NEK6: variants seen among roughly 807,000 people sequenced by gnomAD.
The protein encoded by NEK6 is serine/threonine-protein kinase Nek6.
A neutral mutation model predicts 43.5 loss-of-function variants in NEK6; 27 were observed. That is an observed-to-expected ratio of 0.62 (90% CI 0.46 to 0.86). The LOEUF is 0.86. Among genes scored for constraint, NEK6 ranks in the 40% least tolerant of loss-of-function variants. NEK6 has a pLI of 0.00. For synonymous variants in NEK6, 167 were observed against 164.1 expected (o/e 1.02, Z -0.14); for missense variants, 318 against 414.4 (o/e 0.77, Z 2.02).
chr9:124,322,261 T>C (rs1353415842), intron 5 of NEK6, among the ~76,000 whole-genome samples: 1 of 151,916 alleles, frequency 6.6e-6, no homozygotes, highest in Non-Finnish European at 1.5e-5. Context: ...AGAGATTGAG[T>C]GACTGTTCGA....
At chr9:124,300,623 A>T (rs1022902915) in intron 1 of NEK6, among the ~76,000 whole-genome samples, 1 of 152,068 alleles carries the variant, frequency 6.6e-6, no homozygotes, top group Non-Finnish European at 1.5e-5. Flanking sequence ...CTCAGGGAGG[A>T]GGGAGGGCAA....
intron 7 of NEK6, among the ~76,000 whole-genome samples, chr9:124,333,016 C>T (rs1020986922): frequency 2.0e-5 from 3 of 152,122 alleles, no homozygotes; most frequent in Non-Finnish European, 2.9e-5. Flanking sequence ...GGATAAGGCC[C>T]GGGCTGCACT....
intron 2 of NEK6, among the ~76,000 whole-genome samples, chr9:124,308,003 C>T (rs1260574974): frequency 6.6e-6 from 1 of 152,240 alleles, no homozygotes. Flanking sequence ...ATCACCGTCA[C>T]CACGACTGGA....
intron 1 of NEK6, among the ~76,000 whole-genome samples, chr9:124,289,936 T>G (rs1304241745): frequency 1.3e-5 from 2 of 152,082 alleles, no homozygotes; most frequent in Middle Eastern, 3.2e-3. Context: ...ACAGCACAGC[T>G]CAGAGCACAA....
chr9:124,312,699 T>C (rs756102688), intron 3 of NEK6, 50 bp downstream of exon 3: 2 of 1,579,010 alleles, frequency 1.3e-6, no homozygotes, highest in Admixed American at 1.7e-5. Flanking sequence ...AGGTGGTCTC[T>C]GCATCTGGAC....
chr9:124,280,423 C>T (rs190922890), intron 1 of NEK6, among the ~76,000 whole-genome samples: 230 of 152,336 alleles, frequency 1.5e-3, no homozygotes, highest in Middle Eastern at 0.014. Flanking sequence ...CTGTCCCAGC[C>T]GAGCACTCCA....
chr9:124,346,546 C>T (rs1461833254), intron 8 of NEK6, among the ~76,000 whole-genome samples: 1 of 152,124 alleles, frequency 6.6e-6, no homozygotes, highest in Admixed American at 6.5e-5. Flanking sequence ...GGAGGGCACT[C>T]GCCCGACGGC....
chr9:124,295,501 A>T (rs972664238), intron 1 of NEK6, among the ~76,000 whole-genome samples: 10 of 152,074 alleles, frequency 6.6e-5, no homozygotes, highest in Non-Finnish European at 1.2e-4. Flanking sequence ...TCATTTATTC[A>T]CACCCTCTTC....
At chr9:124,340,599 A>G (rs1486468764) in intron 8 of NEK6, among the ~76,000 whole-genome samples, 1 of 152,244 alleles carries the variant, frequency 6.6e-6, no homozygotes, top group Non-Finnish European at 1.5e-5. Context: ...GTTAGACACC[A>G]AGCCCGGCTT....
chr9:124,274,940 G>A (rs1831592843), intron 1 of NEK6, among the ~76,000 whole-genome samples: 1 of 152,212 alleles, frequency 6.6e-6, no homozygotes, highest in Admixed American at 6.5e-5. Context: ...AGCAATGTCT[G>A]CTGTGTGCAC....
At chr9:124,302,303 G>T (rs1038084125) in intron 2 of NEK6, among the ~76,000 whole-genome samples, 1 of 152,166 alleles carries the variant, frequency 6.6e-6, no homozygotes, top group Non-Finnish European at 1.5e-5. Flanking sequence ...CCTGCCCCTG[G>T]AGTGTTCCAA....
intron 1 of NEK6, among the ~76,000 whole-genome samples, chr9:124,270,782 CTG>C (rs1017855076): frequency 7.2e-5 from 11 of 152,220 alleles, no homozygotes; most frequent in African/African-American, 2.7e-4. Context: ...AGCTGAGACT[CTG>C]TGCTGCCAGC....
intron 2 of NEK6, among the ~76,000 whole-genome samples, chr9:124,310,560 G>T (rs1833479881): frequency 6.6e-6 from 1 of 152,190 alleles, no homozygotes; most frequent in Non-Finnish European, 1.5e-5. Flanking sequence ...CACTCCCGCA[G>T]GAGGGTGTTC....
chr9:124,318,386 C>T (rs1833918082), intron 4 of NEK6, among the ~76,000 whole-genome samples: 1 of 152,030 alleles, frequency 6.6e-6, no homozygotes. Flanking sequence ...GGGCTACAGG[C>T]CTGCACCACG....
intron 1 of NEK6, among the ~76,000 whole-genome samples, chr9:124,262,099 G>A (rs938699785): frequency 1.3e-5 from 2 of 152,096 alleles, no homozygotes; most frequent in African/African-American, 2.4e-5. Flanking sequence ...CTGGCTGTCC[G>A]TGAAATGGCT....
At chr9:124,274,451 G>A (rs554015492) in intron 1 of NEK6, among the ~76,000 whole-genome samples, 1 of 152,360 alleles carries the variant, frequency 6.6e-6, no homozygotes, top group Admixed American at 6.5e-5. Context: ...GTCCCAGAGA[G>A]TGTAGACACT....
At position 124,258,102 on chromosome 9, in the gene NEK6, T is replaced by TGGGGCC. The variant is rs1254876244; in HGVS notation, c.-30+21_-30+26dup. 1.0e-6 allele frequency: 1 copy of TGGGGCC among 976,600 alleles called. No individual in the cohort carries two copies. The highest frequency in any genetic ancestry group is 1.8e-5 in the African/African-American group (1 of 55,800). 60.5% of individuals were successfully genotyped at this position (976,600 alleles called of 1,614,324 possible). ...CGCGCGCCGGTGAGTCGCCTGGGGC[T>TGGGGCC]GGGGCCGGGCCGGTGGGGCCCCGCG... On this transcript the variant is annotated intron_variant, in intron 1 of 9. Coordinates refer to ENST00000320246, the MANE Select transcript of NEK6 (RefSeq NM_014397.6).
chr9:124,322,999 C>G (rs370715003), intron 5 of NEK6, among the ~76,000 whole-genome samples: 31 of 151,908 alleles, frequency 2.0e-4, no homozygotes, highest in African/African-American at 7.5e-4. Context: ...TTAGCTCTTC[C>G]TCTCCCCCGC....
intron 1 of NEK6, among the ~76,000 whole-genome samples, chr9:124,276,767 G>A (rs1831667985): frequency 6.6e-6 from 1 of 152,238 alleles, no homozygotes; most frequent in Non-Finnish European, 1.5e-5. Flanking sequence ...CAGATCAGTA[G>A]GGGTTGGCCA....
Sources: allele counts gnomAD v4.1 joint callset (sites outside exome capture counted in the v4.1 genomes callset), GRCh38; gene constraint gnomAD v4.1.1; transcripts MANE v1.5; gene names NCBI Gene and HGNC (gene_info 2026-07-23, HGNC 2026-07-21).